The following RAPGEF4 variants were observed in gnomAD, a reference collection of about 807,000 sequenced individuals.
RAPGEF4 encodes Rap guanine nucleotide exchange factor 4.
A neutral mutation model predicts 147.9 loss-of-function variants in RAPGEF4; 66 were observed. The observed-to-expected ratio is 0.45, with a 90% confidence interval of 0.37 to 0.55. RAPGEF4 has a LOEUF of 0.55. Ranked by LOEUF, RAPGEF4 falls within the 20% of genes least tolerant of loss-of-function variation. RAPGEF4 has a pLI of 0.00. For missense variants in RAPGEF4, 1,071 were observed against 1,257.3 expected (o/e 0.85, Z 2.24); for synonymous variants, 419 against 442.7 (o/e 0.95, Z 0.67).
intron 1 of RAPGEF4, among the ~76,000 whole-genome samples, chr2:172,788,651 G>A (rs558724066): frequency 3.5e-4 from 53 of 152,146 alleles, no homozygotes; most frequent in Admixed American, 3.3e-3. Flanking sequence ...TTGGGAGACC[G>A]AAGCAGGAGG....
At chr2:172,760,680 T>C (rs1696223314) in intron 1 of RAPGEF4, among the ~76,000 whole-genome samples, 1 of 147,592 alleles carries the variant, frequency 6.8e-6, no homozygotes, top group African/African-American at 2.5e-5. Context: ...ATCACGCCAC[T>C]GCACTCCAGC....
chr2:173,050,714 G>C (rs942843848), intron 30 of RAPGEF4, among the ~76,000 whole-genome samples: 1 of 150,672 alleles, frequency 6.6e-6, no homozygotes, highest in Non-Finnish European at 1.5e-5. Context: ...TTTTAAAATT[G>C]GGAGAATTCA....
rs538165170 is a variant in RAPGEF4, at chr2:173,051,368, C to G, written c.2909-272C>G. ...CCCAGGGGCTATCAGACACATGCTT[C>G]CCTTTTAATTTGGTGCCATTTTTTT... is the stretch of plus-strand genomic sequence containing the variant. On this transcript the variant is annotated intron_variant, in intron 30 of 30. Transcript: ENST00000397081. Among the ~76,000 whole-genome samples, 11 of 149,900 alleles carry G rather than the reference C, an allele frequency of 7.3e-5. No homozygotes were observed. In the South Asian group the frequency reaches 2.4e-3, roughly 33 times the overall value.
At chr2:173,001,126 A>T in intron 16 of RAPGEF4, 140 bp from the exon 17 acceptor site, 1 of 1,220,692 alleles carries the variant, frequency 8.2e-7, no homozygotes, top group Non-Finnish European at 1.1e-6. Flanking sequence ...ATTTATATGA[A>T]GTGCTTCCAT....
chr2:172,741,580 AC>A (rs1376552199), intron 1 of RAPGEF4, among the ~76,000 whole-genome samples: 1 of 151,748 alleles, frequency 6.6e-6, no homozygotes, highest in Non-Finnish European at 1.5e-5. Flanking sequence ...TTAAATCCTC[AC>A]CCACCTTTGA....
intron 6 of RAPGEF4, among the ~76,000 whole-genome samples, chr2:172,944,464 G>A (rs1687482320): frequency 6.6e-6 from 1 of 152,164 alleles, no homozygotes; most frequent in Non-Finnish European, 1.5e-5. Context: ...AGTGCCCAGG[G>A]TGAGCCTGTG....
Position 172,965,683 on chromosome 2 carries a change from G to A in RAPGEF4, c.820G>A (p.Val274Met). ...GTTAGAAGATGGTGTTCTCAACCACGGTAAGATGAGCCCCAGTCCCTGGAA... is the reference window on the plus strand; with the variant it reads ...GTTAGAAGATGGTGTTCTCAACCACAGTAAGATGAGCCCCAGTCCCTGGAA... ...VLLEDGVLNH[V>M]DQEHHFQDKY... Residue 274 changes from valine to methionine, a missense_variant and splice_region_variant, in exon 9 of 31, where the codon GTG (valine) becomes ATG (methionine). Transcript: ENST00000397081. The A allele has an allele frequency of 1.4e-5, 22 of 1,614,112 alleles. No individual in the cohort carries two copies. Among genetic ancestry groups the A allele is most frequent in the Non-Finnish European group, 1.9e-5 (22 of 1,180,010 alleles).
rs184858776 is a variant in RAPGEF4, at chr2:172,806,141, A to G, written c.298-8138A>G. 1.4e-4 allele frequency among the ~76,000 whole-genome samples: 22 copies of G among 152,036 alleles called. 2 individuals carry two copies. The highest frequency in any genetic ancestry group is 1.1e-3 in the Admixed American group (17 of 15,260). ...TTTTTAAGTGAGGGGCTTTTTTGGC[A>G]TAGTAAGTATCAAAATCCTAGATAT... On this transcript the variant is annotated intron_variant, in intron 3 of 30. Transcript: ENST00000397081.
intron 4 of RAPGEF4, among the ~76,000 whole-genome samples, chr2:172,836,989 G>A (rs915836765): frequency 6.6e-6 from 1 of 152,218 alleles, no homozygotes; most frequent in African/African-American, 2.4e-5. Flanking sequence ...ATGGCACATA[G>A]AAATGTGGCC....
Position 173,027,076 on chromosome 2 carries a change from T to G in RAPGEF4, c.2380-5T>G, listed in dbSNP as rs1217255440. 6.4e-7 allele frequency: 1 copy of G among 1,572,836 alleles called. No individual in the cohort carries two copies. The highest frequency in any genetic ancestry group is 8.6e-7 in the Non-Finnish European group (1 of 1,165,714). On this transcript the variant is annotated splice_polypyrimidine_tract_variant and splice_region_variant and intron_variant, in intron 24 of 30. Coordinates refer to ENST00000397081, the MANE Select transcript of RAPGEF4 (RefSeq NM_007023.4). The stretch of plus-strand genomic sequence containing the variant: ...TAAGCAAAATTGTTTTCCTTTATTT[T>G]CTAGCTGGAGCTAATCTATCACACA...
At chr2:172,911,402 G>A (rs1700080638) in intron 4 of RAPGEF4, among the ~76,000 whole-genome samples, 1 of 152,148 alleles carries the variant, frequency 6.6e-6, no homozygotes, top group African/African-American at 2.4e-5. Flanking sequence ...CTGGGCAAAT[G>A]GCATCAGGTC....
chr2:172,959,571 A>G (rs1689078452), intron 6 of RAPGEF4, among the ~76,000 whole-genome samples: 1 of 152,080 alleles, frequency 6.6e-6, no homozygotes. Context: ...ATAAGAAATA[A>G]ATCTCCCATC....
intron 4 of RAPGEF4, among the ~76,000 whole-genome samples, chr2:172,882,933 A>G (rs1172353004): frequency 6.6e-6 from 1 of 152,088 alleles, no homozygotes; most frequent in African/African-American, 2.4e-5. Flanking sequence ...AGTTGCTTCA[A>G]GTCCAATTGT....
intron 1 of RAPGEF4, among the ~76,000 whole-genome samples, chr2:172,749,472 C>T (rs909582137): frequency 1.3e-5 from 2 of 152,204 alleles, no homozygotes; most frequent in Non-Finnish European, 2.9e-5. Context: ...CCCCTTTTAG[C>T]CATGGATAGA....
chr2:172,853,595 C>CT (rs879297689), intron 4 of RAPGEF4, among the ~76,000 whole-genome samples: 16 of 150,868 alleles, frequency 1.1e-4, no homozygotes, highest in Non-Finnish European at 1.5e-4. Context: ...TTAATTTGTT[C>CT]TTTTTTTTTC....
intron 30 of RAPGEF4, among the ~76,000 whole-genome samples, chr2:173,050,852 C>T (rs1386019288): frequency 6.6e-6 from 1 of 151,672 alleles, no homozygotes; most frequent in African/African-American, 2.4e-5. Flanking sequence ...TCCAGAGGGA[C>T]CTGTGTTTCC....
Position 172,795,119 on chromosome 2 carries a change from C to G in RAPGEF4, c.160C>G (p.Gln54Glu). Residue 54 changes from glutamine to glutamate, a missense_variant, in exon 2 of 31, where the codon CAG (glutamine) becomes GAG (glutamate). Physicochemically the swap from Gln to Glu is conservative, Grantham distance 29 (BLOSUM62 2). Coordinates refer to ENST00000397081, the MANE Select transcript of RAPGEF4 (RefSeq NM_007023.4). ...FEKFHPNLLH[Q>E]ICLCGYYENL... is the part of the protein sequence containing the mutation. ...GAAATTTCACCCAAATCTCCTTCAT[C>G]AGATTTGCTTATGTGGTTATTATGA... 6.2e-7 allele frequency: 1 copy of G among 1,611,942 alleles called. No homozygotes were observed. The highest frequency in any genetic ancestry group is 8.5e-7 in the Non-Finnish European group (1 of 1,178,086).
chr2:172,805,878 T>C (rs573253476), intron 3 of RAPGEF4, among the ~76,000 whole-genome samples: 23 of 152,306 alleles, frequency 1.5e-4, no homozygotes, highest in African/African-American at 4.1e-4. Flanking sequence ...AATAATACTA[T>C]GGGTGTATTT....
At chr2:172,853,877 T>TAAAC (rs140643797) in intron 4 of RAPGEF4, among the ~76,000 whole-genome samples, 1 of 42,018 alleles carries the variant, frequency 2.4e-5, no homozygotes, top group East Asian at 1.1e-3. Context: ...TTAATTAAAT[T>TAAAC]GTGGTCCGAA....
Sources: allele counts gnomAD v4.1 joint callset (sites outside exome capture counted in the v4.1 genomes callset), GRCh38; gene constraint gnomAD v4.1.1; transcripts MANE v1.5; gene names NCBI Gene and HGNC (gene_info 2026-07-23, HGNC 2026-07-21).